The following RAB3IP variants were observed in gnomAD, a reference collection of about 807,000 sequenced individuals.
The protein encoded by RAB3IP is RAB3A interacting protein, also known as rab-3A-interacting protein.
Under a neutral mutation model 59.1 loss-of-function variants are expected in RAB3IP, and 36 were observed. That is an observed-to-expected ratio of 0.61 (90% confidence interval 0.47 to 0.80). The LOEUF is 0.80. Ranked by LOEUF, RAB3IP falls within the 30% of genes least tolerant of loss-of-function variation. RAB3IP has a pLI of 0.00. For synonymous variants in RAB3IP, 207 were observed against 191.2 expected (o/e 1.08, Z -0.68); for missense variants, 511 against 536.0 (o/e 0.95, Z 0.46).
chr12:69,751,799 G>A (rs1333273694), intron 1 of RAB3IP, among the ~76,000 whole-genome samples: 1 of 151,996 alleles, frequency 6.6e-6, no homozygotes, highest in African/African-American at 2.4e-5. Context: ...GTGTGGTTAA[G>A]CTACCATCTC....
chr12:69,785,963 T>G (rs1184688846), intron 4 of RAB3IP, among the ~76,000 whole-genome samples: 1 of 152,314 alleles, frequency 6.6e-6, no homozygotes, highest in Non-Finnish European at 1.5e-5. Context: ...TAGAAGTTCC[T>G]TAACAAAAAC....
chr12:69,806,177 T>C (rs1196070849), intron 8 of RAB3IP, among the ~76,000 whole-genome samples: 1 of 152,236 alleles, frequency 6.6e-6, no homozygotes, highest in African/African-American at 2.4e-5. Flanking sequence ...TTTCAGATCC[T>C]GTTATTGGTC....
intron 8 of RAB3IP, among the ~76,000 whole-genome samples, chr12:69,802,242 T>C (rs1225131673): frequency 6.6e-6 from 1 of 152,014 alleles, no homozygotes; most frequent in Non-Finnish European, 1.5e-5. Flanking sequence ...TTTGGGAAGG[T>C]ACTGAGTTAG....
intron 4 of RAB3IP, among the ~76,000 whole-genome samples, chr12:69,789,194 G>C (rs1158249862): frequency 2.6e-5 from 4 of 151,144 alleles, no homozygotes; most frequent in Non-Finnish European, 5.9e-5. Context: ...TAGAGAATAG[G>C]AAAATAATAG....
chr12:69,815,606 A>G lies in RAB3IP; in HGVS notation c.*160A>G, dbSNP rs1240512296. On this transcript the variant is annotated 3_prime_UTR_variant, in exon 11 of 11. Coordinates refer to ENST00000247833, the MANE Select transcript of RAB3IP (RefSeq NM_022456.5). ...ACCATGATTTCTTTTAAACTGATCTATGCTGTGTTTGCTTATTCTTTAGTT... is the reference window on the plus strand; with the variant it reads ...ACCATGATTTCTTTTAAACTGATCTGTGCTGTGTTTGCTTATTCTTTAGTT... 6 of 482,306 alleles carry G rather than the reference A, an allele frequency of 1.2e-5. No individual in the cohort carries two copies. Among genetic ancestry groups the G allele is most frequent in the African/African-American group, 3.9e-5 (2 of 50,728 alleles). 29.9% of individuals were successfully genotyped at this position (482,306 alleles called of 1,614,324 possible).
chr12:69,748,644 A>G (rs932990122), intron 1 of RAB3IP, among the ~76,000 whole-genome samples: 4 of 152,236 alleles, frequency 2.6e-5, no homozygotes, highest in African/African-American at 9.6e-5. Context: ...ATTCACCCAT[A>G]AGAATTTAAT....
intron 4 of RAB3IP, among the ~76,000 whole-genome samples, chr12:69,790,741 C>A (rs142943122): frequency 6.6e-5 from 10 of 152,018 alleles, no homozygotes; most frequent in Non-Finnish European, 1.2e-4. Context: ...TGCACCACCA[C>A]GCCCAGATAA....
intron 6 of RAB3IP, among the ~76,000 whole-genome samples, chr12:69,798,306 G>A (rs1170211040): frequency 6.6e-6 from 1 of 151,736 alleles, no homozygotes; most frequent in Admixed American, 6.6e-5. Context: ...GTGTTTTTTG[G>A]CTGCATAAAT....
chr12:69,769,042 C>T (rs74391546), intron 3 of RAB3IP, among the ~76,000 whole-genome samples: 5,986 of 152,098 alleles, frequency 0.039, 127 homozygotes, highest in Non-Finnish European at 0.048. Flanking sequence ...AGTATGAGGT[C>T]TGATGGTTTT....
intron 3 of RAB3IP, among the ~76,000 whole-genome samples, chr12:69,760,770 G>A (rs942647626): frequency 3.3e-5 from 5 of 151,856 alleles, no homozygotes; most frequent in African/African-American, 1.2e-4. Context: ...GAAGTCTGCT[G>A]TTACCCTTAC....
At chr12:69,792,431 A>G (rs1478939186) in intron 4 of RAB3IP, among the ~76,000 whole-genome samples, 2 of 152,234 alleles carry the variant, frequency 1.3e-5, no homozygotes, top group Non-Finnish European at 2.9e-5. Flanking sequence ...GGCTGCTTTC[A>G]TATTGCAACA....
rs1165639333 is a variant in RAB3IP, at chr12:69,747,331, T to TGTGTGTGA, written c.-25-8052_-25-8051insTGTGTGAG. Among the ~76,000 whole-genome samples the TGTGTGTGA allele has an allele frequency of 1.8e-3, 156 of 85,990 alleles. 1 individual carries two copies. Among genetic ancestry groups the TGTGTGTGA allele is most frequent in the African/African-American group, 5.1e-3 (134 of 26,496 alleles). 56.4% of individuals were successfully genotyped at this position (85,990 alleles called of 152,430 possible). A position where few individuals can be genotyped will look rare whatever the true frequency, so the allele number is the denominator to read the frequency against. ...GTGTGTGTGTGTGTGTGTGTGTGTG[T>TGTGTGTGA]GAGAGAGAGAGAGAGAGAGGATCTT... On this transcript the variant is annotated intron_variant, in intron 1 of 10. Transcript: ENST00000247833.
At chr12:69,744,089 A>G (rs920646344) in intron 1 of RAB3IP, among the ~76,000 whole-genome samples, 1 of 151,782 alleles carries the variant, frequency 6.6e-6, no homozygotes, top group African/African-American at 2.4e-5. Context: ...GCACCGGTCA[A>G]CCCATCATCT....
rs1011018715 is a variant in RAB3IP, at chr12:69,820,142, A to G, written c.*4696A>G. 6.6e-6 allele frequency: 1 copy of G among 152,110 alleles called. No homozygotes were observed. The highest frequency in any genetic ancestry group is 6.6e-5 in the Admixed American group (1 of 15,266). The allele number at this position is 152,110 out of a possible 1,614,324, so 9.4% of individuals were successfully genotyped here. On this transcript the variant is annotated 3_prime_UTR_variant, in exon 11 of 11. Coordinates refer to ENST00000247833, the MANE Select transcript of RAB3IP (RefSeq NM_022456.5). ...TTTCCCTAGATAAAATGTTTTTTCT[A>G]TAAGACACTGCTTAAAAGAGTCCAA...
Position 69,816,673 on chromosome 12 carries a change from A to C in RAB3IP, c.*1227A>C, listed in dbSNP as rs1307143664. 1 of 152,166 alleles carries C rather than the reference A, an allele frequency of 6.6e-6. No homozygotes were observed. Among genetic ancestry groups the C allele is most frequent in the African/African-American group, 2.4e-5 (1 of 41,428 alleles). 9.4% of individuals were successfully genotyped at this position (152,166 alleles called of 1,614,324 possible). On this transcript the variant is annotated 3_prime_UTR_variant, in exon 11 of 11. Transcript: ENST00000247833. ...GGAGTTCTTTCATGTGGATGCCTGG[A>C]GATAAAATTGTGTCGAGATATATAT...
chr12:69,768,438 T>C (rs1245351053), intron 3 of RAB3IP, among the ~76,000 whole-genome samples: 1 of 152,002 alleles, frequency 6.6e-6, no homozygotes, highest in Admixed American at 6.5e-5. Context: ...TCCAAATGCT[T>C]GGAGATCTTC....
Position 69,781,453 on chromosome 12 carries a change from A to G in RAB3IP, c.511-3267A>G, listed in dbSNP as rs186108158. 1.2e-4 allele frequency among the ~76,000 whole-genome samples: 19 copies of G among 152,300 alleles called. No homozygotes were observed. The East Asian group carries it at 3.7e-3, about 29-fold the overall frequency. On this transcript the variant is annotated intron_variant, in intron 3 of 10. Transcript: ENST00000247833. ...ATGCTGTGGATTTTGATGAAGGTATAATGGCATGTGTCTACCATGATAGTA... is the reference window on the plus strand; with the variant it reads ...ATGCTGTGGATTTTGATGAAGGTATGATGGCATGTGTCTACCATGATAGTA...
chr12:69,768,548 G>A (rs529554878), intron 3 of RAB3IP, among the ~76,000 whole-genome samples: 7 of 152,166 alleles, frequency 4.6e-5, no homozygotes, highest in African/African-American at 1.7e-4. Context: ...TGCTCTGAAT[G>A]CCTGGATTTC....
intron 3 of RAB3IP, among the ~76,000 whole-genome samples, chr12:69,762,579 A>G (rs912125329): frequency 2.6e-5 from 4 of 152,048 alleles, no homozygotes; most frequent in African/African-American, 9.6e-5. Flanking sequence ...AACACGGTGA[A>G]ACCGCTTCTC....
Sources: allele counts gnomAD v4.1 joint callset (sites outside exome capture counted in the v4.1 genomes callset), GRCh38; gene constraint gnomAD v4.1.1; transcripts MANE v1.5; gene names NCBI Gene and HGNC (gene_info 2026-07-23, HGNC 2026-07-21).